The following PDE4D variants were observed in gnomAD, a reference collection of about 807,000 sequenced individuals.
PDE4D encodes 3',5'-cyclic-AMP phosphodiesterase 4D.
Under a neutral mutation model 87.4 loss-of-function variants are expected in PDE4D, and 24 were observed. The observed-to-expected ratio is 0.27, with a 90% CI of 0.20 to 0.39. The LOEUF (loss-of-function observed/expected upper bound fraction) is 0.39. Ranked by LOEUF, PDE4D falls within the 10% of genes least tolerant of loss-of-function variation. The probability of loss-of-function intolerance (pLI) is 1.00; values close to 1 mark genes in which losing one functional copy is unlikely to be tolerated. For synonymous variants in PDE4D, 384 were observed against 383.2 expected, an observed-to-expected ratio of 1.00 and a Z score of -0.02; for missense variants, 714 against 1,041.0, an observed-to-expected ratio of 0.69 and a Z score of 4.32.
At chr5:59,537,530 A>ATTTATCTCATTTATATTAATTTTTC (rs1314849572) in intron 1 of PDE4D, among the ~76,000 whole-genome samples, 14 of 152,194 alleles carry the variant, frequency 9.2e-5, no homozygotes, top group African/African-American at 3.1e-4. Flanking sequence ...GCTAGTTGAA[A>ATTTATCTCATTTATATTAATTTTTC]TTTATCTCAT....
At chr5:59,900,566 A>T (rs1329139314) in intron 3 of PDE4D, among the ~76,000 whole-genome samples, 1 of 152,130 alleles carries the variant, frequency 6.6e-6, no homozygotes, top group Non-Finnish European at 1.5e-5. Context: ...GTCACACAGC[A>T]GCAATACAGT....
intron 5 of PDE4D, among the ~76,000 whole-genome samples, chr5:59,162,395 T>C (rs1490631330): frequency 6.7e-6 from 1 of 148,492 alleles, no homozygotes; most frequent in African/African-American, 2.5e-5. Context: ...GTTCAGAACC[T>C]AATAAATTCT....
chr5:59,994,345 C>CACAT (rs1763316620), intron 2 of PDE4D, among the ~76,000 whole-genome samples: 1 of 150,948 alleles, frequency 6.6e-6, no homozygotes, highest in African/African-American at 2.4e-5. Flanking sequence ...TGTATACACA[C>CACAT]ATATATATAT....
chr5:60,064,770 C>T (rs1771866751), intron 2 of PDE4D, among the ~76,000 whole-genome samples: 1 of 152,072 alleles, frequency 6.6e-6, no homozygotes, highest in Non-Finnish European at 1.5e-5. Flanking sequence ...CCTCAAAGGG[C>T]CATTTCAAAA....
intron 1 of PDE4D, among the ~76,000 whole-genome samples, chr5:60,208,968 G>C (rs1348912040): frequency 2.6e-5 from 4 of 151,962 alleles, no homozygotes; most frequent in Non-Finnish European, 5.9e-5. Context: ...AGCATGAAAA[G>C]GTGAAGGAAA....
intron 1 of PDE4D, among the ~76,000 whole-genome samples, chr5:60,454,051 C>A (rs893096134): frequency 2.6e-5 from 4 of 152,134 alleles, no homozygotes; most frequent in African/African-American, 9.7e-5. Context: ...TGGGCTTGGA[C>A]AAGTGATATA....
intron 1 of PDE4D, among the ~76,000 whole-genome samples, chr5:60,375,440 T>C (rs1054523846): frequency 6.6e-6 from 1 of 152,194 alleles, no homozygotes; most frequent in Non-Finnish European, 1.5e-5. Context: ...GGGATCATTA[T>C]TTTACAGATA....
At chr5:59,672,293 A>T (rs1364087298) in intron 1 of PDE4D, among the ~76,000 whole-genome samples, 5 of 152,216 alleles carry the variant, frequency 3.3e-5, no homozygotes, top group Non-Finnish European at 5.9e-5. Context: ...TCCAGAAACC[A>T]TTAGGGCTCA....
chr5:58,987,885 G>A (rs1285105734), intron 11 of PDE4D, among the ~76,000 whole-genome samples: 1 of 152,108 alleles, frequency 6.6e-6, no homozygotes, highest in Non-Finnish European at 1.5e-5. Flanking sequence ...TCCCTACACA[G>A]GCTTTCTGTG....
At chr5:59,900,230 A>G (rs1752095735) in intron 3 of PDE4D, among the ~76,000 whole-genome samples, 1 of 118,702 alleles carries the variant, frequency 8.4e-6, no homozygotes, top group East Asian at 2.1e-4. Flanking sequence ...ATAGAGCAAG[A>G]CTCCATATCA....
At chr5:60,442,727 G>C (rs1235769989) in intron 1 of PDE4D, among the ~76,000 whole-genome samples, 2 of 152,092 alleles carry the variant, frequency 1.3e-5, no homozygotes, top group Non-Finnish European at 2.9e-5. Flanking sequence ...TATGAGAGAA[G>C]AATCAGCAAA....
At position 59,351,790 on chromosome 5, in the gene PDE4D, T is replaced by A. The variant is rs1780571537; in HGVS notation, c.456-135822A>T. Among the ~76,000 whole-genome samples, 3 of 152,324 alleles carry A rather than the reference T, an allele frequency of 2.0e-5. 1 individual carries two copies. The highest frequency in any genetic ancestry group is 4.1e-4 in the South Asian group (2 of 4,824). ...CAGTTTAGATATTATTTAACAAGTT[T>A]ATATTTTAACTGATTACTAAGCCCT... is the stretch of plus-strand genomic sequence containing the variant. On this transcript the variant is annotated intron_variant, in intron 1 of 14. Coordinates refer to ENST00000340635, the MANE Select transcript of PDE4D (RefSeq NM_001104631.2).
At chr5:60,190,527 C>A (rs1253892418) in intron 1 of PDE4D, among the ~76,000 whole-genome samples, 1 of 152,114 alleles carries the variant, frequency 6.6e-6, no homozygotes, top group Non-Finnish European at 1.5e-5. Context: ...TTTATCTGAG[C>A]TCCTGCTAGA....
chr5:60,094,570 C>T (rs1476365303), intron 2 of PDE4D, among the ~76,000 whole-genome samples: 1 of 146,532 alleles, frequency 6.8e-6, no homozygotes, highest in African/African-American at 2.5e-5. Context: ...TAGGCCCTAA[C>T]CCAATGTGAG....
intron 1 of PDE4D, among the ~76,000 whole-genome samples, chr5:60,228,029 C>T (rs964271100): frequency 2.6e-5 from 4 of 152,122 alleles, no homozygotes; most frequent in African/African-American, 9.6e-5. Flanking sequence ...TGCTGGAATG[C>T]ATCTCTCCCA....
At chr5:60,472,412 C>T (rs994363126) in intron 1 of PDE4D, among the ~76,000 whole-genome samples, 4 of 152,144 alleles carry the variant, frequency 2.6e-5, no homozygotes, top group African/African-American at 9.7e-5. Context: ...TCCAATCATA[C>T]TGCCTTTCTG....
chr5:60,483,462 T>C (rs554655511), intron 1 of PDE4D, among the ~76,000 whole-genome samples: 1 of 152,312 alleles, frequency 6.6e-6, no homozygotes, highest in South Asian at 2.1e-4. Context: ...TTGAGAATTA[T>C]CCTAAAAGTT....
chr5:60,451,452 T>G (rs767200252), intron 1 of PDE4D, among the ~76,000 whole-genome samples: 5 of 152,086 alleles, frequency 3.3e-5, no homozygotes, highest in Non-Finnish European at 7.4e-5. Context: ...TTACTCCAAG[T>G]GAGTTCACAG....
intron 1 of PDE4D, among the ~76,000 whole-genome samples, chr5:60,278,330 T>C (rs1751571483): frequency 1.3e-5 from 2 of 152,316 alleles, no homozygotes; most frequent in South Asian, 2.1e-4. Flanking sequence ...TCTGGCTGCT[T>C]TCAAGATTTT....
Sources: gnomAD v4.1 joint callset for allele counts (sites outside exome capture counted in the v4.1 genomes callset) on GRCh38, gnomAD v4.1.1 for gene constraint, MANE v1.5 for transcripts, NCBI Gene and HGNC (gene_info 2026-07-23, HGNC 2026-07-21) for gene names.